The following GPC3 variants were observed in gnomAD, a reference collection of about 807,000 sequenced individuals.
GPC3 encodes glypican 3.
A neutral mutation model predicts 34.4 loss-of-function variants in GPC3; 3 were observed. The ratio of observed to expected loss-of-function variants is 0.09; its 90% CI spans 0.04 to 0.23. The LOEUF is 0.23. GPC3 is among the 10% of genes least tolerant of loss of function. The pLI is 1.00. For synonymous variants in GPC3, 177 were observed against 174.0 expected, an observed-to-expected ratio of 1.02 and a Z score of -0.13; for missense variants, 351 against 445.6, an observed-to-expected ratio of 0.79 and a Z score of 1.91.
intron 1 of GPC3, among the ~76,000 whole-genome samples, chrX:133,953,790 T>C (rs751355221): frequency 8.9e-5 from 10 of 112,176 alleles, no homozygotes; most frequent in Admixed American, 8.5e-4. Flanking sequence ...GCCTACTATA[T>C]GCCAAGCACT....
intron 2 of GPC3, among the ~76,000 whole-genome samples, chrX:133,839,927 C>CA (rs138981758): frequency 0.31 from 15,241 of 49,856 alleles, 2,838 homozygotes; most frequent in African/African-American, 0.6. Context: ...GACTCCGTTT[C>CA]AAAAAAAAAA....
intron 2 of GPC3, among the ~76,000 whole-genome samples, chrX:133,851,416 AG>A (rs2124559845): frequency 8.9e-6 from 1 of 111,982 alleles, no homozygotes; most frequent in East Asian, 2.8e-4. Context: ...CTGATAAACC[AG>A]TCAGTATTTT....
At chrX:133,597,544 G>A (rs935906331) in intron 6 of GPC3, among the ~76,000 whole-genome samples, 1 of 111,562 alleles carries the variant, frequency 9.0e-6, no homozygotes, top group Non-Finnish European at 1.9e-5. Flanking sequence ...TTGTGATTGT[G>A]GAAGAGGTAT....
intron 7 of GPC3, among the ~76,000 whole-genome samples, chrX:133,585,005 G>A (rs2069775273): frequency 1.8e-5 from 2 of 110,158 alleles, no homozygotes; most frequent in African/African-American, 3.3e-5. Flanking sequence ...AGTATATTTG[G>A]AAATGATAAG....
At chrX:133,856,935 C>T (rs1045128907) in intron 2 of GPC3, among the ~76,000 whole-genome samples, 4 of 111,932 alleles carry the variant, frequency 3.6e-5, no homozygotes, top group East Asian at 2.8e-4. Context: ...ATAATTACTG[C>T]GTGCTTCTAA....
At chrX:133,712,600 G>C (rs1433053210) in intron 3 of GPC3, among the ~76,000 whole-genome samples, 1 of 110,748 alleles carries the variant, frequency 9.0e-6, no homozygotes, top group Non-Finnish European at 1.9e-5. Context: ...CCCTGTAGAG[G>C]CCTGCATGAT....
intron 5 of GPC3, among the ~76,000 whole-genome samples, chrX:133,670,659 C>T (rs1328623356): frequency 8.9e-6 from 1 of 111,995 alleles, no homozygotes; most frequent in Non-Finnish European, 1.9e-5. Context: ...TTCCTTGGAA[C>T]GCATTCTGGC....
At chrX:133,875,221 G>A (rs2124578598) in intron 2 of GPC3, among the ~76,000 whole-genome samples, 1 of 111,737 alleles carries the variant, frequency 8.9e-6, no homozygotes, top group African/African-American at 3.3e-5. Context: ...GGCATCACTG[G>A]GTGGCCCACA....
chrX:133,918,666 T>C (rs1365057441), intron 2 of GPC3, among the ~76,000 whole-genome samples: 1 of 112,078 alleles, frequency 8.9e-6, no homozygotes, highest in Admixed American at 9.5e-5. Flanking sequence ...CACTAGTGTA[T>C]GGTCCATGTG....
chrX:133,614,358 G>A (rs1385806309), intron 6 of GPC3, among the ~76,000 whole-genome samples: 1 of 110,662 alleles, frequency 9.0e-6, no homozygotes, highest in African/African-American at 3.3e-5. Flanking sequence ...TGAAAGCAGT[G>A]AAAGAAGAGA....
intron 6 of GPC3, among the ~76,000 whole-genome samples, chrX:133,626,285 C>T (rs991488299): frequency 1.8e-5 from 2 of 111,623 alleles, no homozygotes; most frequent in Non-Finnish European, 3.8e-5. Flanking sequence ...ACACCAAAAG[C>T]AATGGCAACA....
At chrX:133,869,675 T>C (rs57082858) in intron 2 of GPC3, among the ~76,000 whole-genome samples, 5,647 of 111,950 alleles carry the variant, frequency 0.05, 308 homozygotes, top group African/African-American at 0.16. Context: ...TGGCCGGGCA[T>C]GGTGGCTTAC....
At chrX:133,945,468 G>A (rs2076363678) in intron 2 of GPC3, among the ~76,000 whole-genome samples, 2 of 111,409 alleles carry the variant, frequency 1.8e-5, no homozygotes, top group Non-Finnish European at 1.9e-5. Flanking sequence ...TCCCTCATGT[G>A]TTCTTCTCTT....
At chrX:133,541,456 T>C (rs1165308800) in intron 7 of GPC3, among the ~76,000 whole-genome samples, 1 of 111,903 alleles carries the variant, frequency 8.9e-6, no homozygotes, top group Non-Finnish European at 1.9e-5. Context: ...AAATTGTTTC[T>C]ATCTTGATCA....
intron 2 of GPC3, among the ~76,000 whole-genome samples, chrX:133,906,844 C>A (rs184640283): frequency 1.8e-5 from 2 of 111,863 alleles, no homozygotes; most frequent in African/African-American, 6.5e-5. Flanking sequence ...TTTGGGAGGC[C>A]GAGGCGGGCA....
At chrX:133,872,694 TACTGGCTTCAAAGTCTA>T (rs999011322) in intron 2 of GPC3, among the ~76,000 whole-genome samples, 3 of 112,303 alleles carry the variant, frequency 2.7e-5, no homozygotes, top group African/African-American at 9.7e-5. Context: ...AACATTTGTC[TACTGGCTTCAAAGTCTA>T]CCTCTTTTTT....
intron 7 of GPC3, among the ~76,000 whole-genome samples, chrX:133,544,632 C>A (rs2069367331): frequency 8.9e-6 from 1 of 111,945 alleles, no homozygotes; most frequent in Admixed American, 9.5e-5. Context: ...CTCAAGCAAT[C>A]CTGCCACCTC....
At chrX:133,731,272 A>C (rs1241191494) in intron 3 of GPC3, among the ~76,000 whole-genome samples, 1 of 112,875 alleles carries the variant, frequency 8.9e-6, no homozygotes, top group African/African-American at 3.2e-5. Flanking sequence ...AATCCAAAAA[A>C]AATTTCCAGG....
chrX:133,651,855 T>C (rs1297891579), intron 6 of GPC3, among the ~76,000 whole-genome samples: 1 of 112,450 alleles, frequency 8.9e-6, no homozygotes, highest in African/African-American at 3.2e-5. Context: ...TCCTTACTTA[T>C]TTTAAAACAA....
Sources: gnomAD v4.1 joint callset for allele counts (sites outside exome capture counted in the v4.1 genomes callset) on GRCh38, gnomAD v4.1.1 for gene constraint, MANE v1.5 for transcripts, NCBI Gene and HGNC (gene_info 2026-07-23, HGNC 2026-07-21) for gene names.